RAB7B: variants seen among roughly 807,000 people sequenced by gnomAD.
The protein encoded by RAB7B is ras-related protein Rab-7b.
intron 2 of RAB7B, 148 bp from the exon 3 acceptor site, chr1:205,993,694 C>A (rs957445113): frequency 2.5e-6 from 1 of 396,300 alleles, no homozygotes; most frequent in Non-Finnish European, 4.4e-6. Context: ...CCATGGACCA[C>A]ACTTTGAATA....
intron 1 of RAB7B, among the ~76,000 whole-genome samples, chr1:205,999,088 C>T (rs1052779261): frequency 2.6e-5 from 4 of 152,122 alleles, no homozygotes; most frequent in Non-Finnish European, 5.9e-5. Context: ...GTCTGTAAAA[C>T]TAGAATGAGA....
chr1:205,987,134 C>G (rs1208417061), intron 4 of RAB7B, among the ~76,000 whole-genome samples: 3 of 152,148 alleles, frequency 2.0e-5, no homozygotes, highest in African/African-American at 7.2e-5. Context: ...ATATCTCCCC[C>G]TCCTCCCCAC....
At chr1:206,000,383 C>A (rs973805120) in intron 1 of RAB7B, among the ~76,000 whole-genome samples, 11 of 152,270 alleles carry the variant, frequency 7.2e-5, no homozygotes, top group African/African-American at 2.6e-4. Flanking sequence ...GCAATTTGAG[C>A]GTGATTTTCA....
chr1:205,995,462 G>A (rs1411206698), intron 1 of RAB7B, among the ~76,000 whole-genome samples: 3 of 152,146 alleles, frequency 2.0e-5, no homozygotes, highest in African/African-American at 7.2e-5. Context: ...CTGCAGCTTT[G>A]TTCACAGTAG....
chr1:205,979,718 A>T (rs1660452475), intron 5 of RAB7B, among the ~76,000 whole-genome samples: 1 of 152,190 alleles, frequency 6.6e-6, no homozygotes, highest in African/African-American at 2.4e-5. Context: ...CACAGCCAGT[A>T]CTGTGGGCCT....
intron 4 of RAB7B, among the ~76,000 whole-genome samples, chr1:205,989,540 C>G (rs1660681128): frequency 6.6e-6 from 1 of 152,082 alleles, no homozygotes; most frequent in African/African-American, 2.4e-5. Flanking sequence ...TGCCCTCAAT[C>G]TCTCCATGTC....
At chr1:205,999,160 T>C (rs1278309446) in intron 1 of RAB7B, among the ~76,000 whole-genome samples, 1 of 152,072 alleles carries the variant, frequency 6.6e-6, no homozygotes, top group Non-Finnish European at 1.5e-5. Flanking sequence ...GGGTGAGGGT[T>C]TGATGCAGGG....
intron 1 of RAB7B, among the ~76,000 whole-genome samples, chr1:205,998,997 C>A (rs904189315): frequency 6.6e-6 from 1 of 152,176 alleles, no homozygotes; most frequent in Non-Finnish European, 1.5e-5. Context: ...AAAGCCCGCA[C>A]GTGTTAGAGC....
chr1:205,987,864 T>C (rs1460401638), intron 4 of RAB7B, among the ~76,000 whole-genome samples: 1 of 152,224 alleles, frequency 6.6e-6, no homozygotes, highest in Non-Finnish European at 1.5e-5. Context: ...ATATACCTAA[T>C]AAAATTTACC....
intron 1 of RAB7B, among the ~76,000 whole-genome samples, chr1:205,995,237 C>T (rs953585421): frequency 2.0e-5 from 3 of 151,996 alleles, no homozygotes; most frequent in Admixed American, 6.6e-5. Context: ...TGCACATGTA[C>T]CCTAGAACTT....
chr1:206,002,372 G>A, intron 1 of RAB7B, among the ~76,000 whole-genome samples: 1 of 152,336 alleles, frequency 6.6e-6, no homozygotes, highest in Admixed American at 6.5e-5. Context: ...CTGAAGGGCA[G>A]GGCTGTGCCT....
chr1:205,984,486 G>A (rs913828702), intron 5 of RAB7B, among the ~76,000 whole-genome samples: 10 of 152,166 alleles, frequency 6.6e-5, no homozygotes, highest in Admixed American at 5.9e-4. Context: ...CCATTGCTGC[G>A]ATGATCCTTT....
intron 1 of RAB7B, chr1:205,994,409 A>G (rs974392728): frequency 3.8e-5 from 10 of 264,284 alleles, no homozygotes; most frequent in Non-Finnish European, 6.4e-5. Flanking sequence ...AGCTCTACCA[A>G]CCCTGCTCTT....
At chr1:206,002,358 A>G (rs1485678996) in intron 1 of RAB7B, among the ~76,000 whole-genome samples, 2 of 152,188 alleles carry the variant, frequency 1.3e-5, no homozygotes, top group Admixed American at 1.3e-4. Flanking sequence ...TAGACTGTCC[A>G]TGCCTGAAGG....
intron 3 of RAB7B, 53 bp downstream of exon 3, chr1:205,993,366 TG>T: frequency 7.5e-6 from 3 of 397,690 alleles, no homozygotes; most frequent in East Asian, 3.6e-5. Flanking sequence ...TGTCCGGGCT[TG>T]GGGGGGATTT....
chr1:205,988,079 G>T (rs891600501), intron 4 of RAB7B, among the ~76,000 whole-genome samples: 2 of 151,528 alleles, frequency 1.3e-5, no homozygotes, highest in African/African-American at 4.9e-5. Context: ...ATGGGCATTC[G>T]GTACATTCAT....
intron 5 of RAB7B, chr1:205,983,755 CATTTATTCT>C (rs1420209018): frequency 6.6e-6 from 1 of 151,118 alleles, no homozygotes; most frequent in Non-Finnish European, 1.5e-5. Flanking sequence ...GATTGCTACC[CATTTATTCT>C]TTTGCCAAGA....
chr1:205,999,279 C>T (rs1284114695), intron 1 of RAB7B, among the ~76,000 whole-genome samples: 2 of 152,080 alleles, frequency 1.3e-5, no homozygotes, highest in Non-Finnish European at 2.9e-5. Context: ...GGCACTCATA[C>T]AGATAATAAA....
chr1:205,999,460 G>T (rs1660856976), intron 1 of RAB7B, among the ~76,000 whole-genome samples: 1 of 152,094 alleles, frequency 6.6e-6, no homozygotes, highest in Non-Finnish European at 1.5e-5. Flanking sequence ...ATTTTAAAAA[G>T]ATTGACAACA....
Sources: allele counts gnomAD v4.1 joint callset (sites outside exome capture counted in the v4.1 genomes callset), GRCh38; gene constraint gnomAD v4.1.1; transcripts MANE v1.5; gene names NCBI Gene and HGNC (gene_info 2026-07-23, HGNC 2026-07-21).